Variants in MUSK observed in about 807,000 individuals in gnomAD.
MUSK encodes the protein muscle associated receptor tyrosine kinase.
Under a neutral mutation model 88.7 loss-of-function variants are expected in MUSK, and 55 were observed. The ratio of observed to expected loss-of-function variants is 0.62; its 90% confidence interval spans 0.50 to 0.78. The LOEUF is 0.78. Ranked by LOEUF, MUSK falls within the 30% of genes least tolerant of loss-of-function variation. The pLI is 0.00. For synonymous variants in MUSK, 387 were observed against 391.9 expected (o/e 0.99, Z 0.15); for missense variants, 1,015 against 1,074.3 (o/e 0.94, Z 0.77).
intron 3 of MUSK, among the ~76,000 whole-genome samples, chr9:110,690,210 ATATATTTAAG>A (rs1564219444): frequency 1.4e-4 from 10 of 72,946 alleles, no homozygotes; most frequent in East Asian, 4.5e-4. Flanking sequence ...ATATATAAAT[ATATATTTAAG>A]TATAAATATA....
chr9:110,704,609 G>C (rs985002186), intron 5 of MUSK, among the ~76,000 whole-genome samples: 1 of 152,102 alleles, frequency 6.6e-6, no homozygotes, highest in Non-Finnish European at 1.5e-5. Flanking sequence ...AAGTGAAAAA[G>C]TAAGTAAAGA....
chr9:110,797,256 G>C (rs2078022645), intron 14 of MUSK, among the ~76,000 whole-genome samples: 1 of 143,308 alleles, frequency 7.0e-6, no homozygotes, highest in African/African-American at 2.6e-5. Context: ...TAATGCATAG[G>C]AAAAATAAAT....
intron 11 of MUSK, among the ~76,000 whole-genome samples, chr9:110,779,498 T>C (rs1039326983): frequency 1.3e-5 from 2 of 152,164 alleles, no homozygotes; most frequent in African/African-American, 4.8e-5. Context: ...TTTTAACTTT[T>C]TCTTTTGCAA....
intron 5 of MUSK, among the ~76,000 whole-genome samples, chr9:110,704,528 T>C (rs919129979): frequency 6.6e-6 from 1 of 152,194 alleles, no homozygotes; most frequent in Non-Finnish European, 1.5e-5. Context: ...ACTTGTATAG[T>C]GCTTACCATG....
intron 14 of MUSK, among the ~76,000 whole-genome samples, chr9:110,798,169 C>A (rs2078040006): frequency 6.6e-6 from 1 of 152,104 alleles, no homozygotes; most frequent in Admixed American, 6.5e-5. Flanking sequence ...AAGTTAATCC[C>A]AGTGAAATAA....
intron 11 of MUSK, among the ~76,000 whole-genome samples, chr9:110,777,359 C>G (rs1363576338): frequency 6.6e-6 from 1 of 152,094 alleles, no homozygotes; most frequent in Non-Finnish European, 1.5e-5. Flanking sequence ...AATACATATT[C>G]CAGCCCTAAT....
intron 14 of MUSK, 32 bp downstream of exon 14, chr9:110,787,870 A>C (rs370472620): frequency 3.7e-5 from 59 of 1,588,998 alleles, no homozygotes; most frequent in Non-Finnish European, 4.8e-5. Flanking sequence ...TATGTATTTC[A>C]TCAGAAAACA....
intron 6 of MUSK, among the ~76,000 whole-genome samples, chr9:110,735,945 T>C (rs1476614824): frequency 6.6e-6 from 1 of 152,104 alleles, no homozygotes; most frequent in Non-Finnish European, 1.5e-5. Flanking sequence ...ATGAGACTTC[T>C]GTCCCCATGA....
chr9:110,731,385 T>C (rs1564251267), intron 5 of MUSK, among the ~76,000 whole-genome samples: 1 of 152,036 alleles, frequency 6.6e-6, no homozygotes, highest in African/African-American at 2.4e-5. Context: ...GAGAAAGTAC[T>C]ATGATAAGGA....
At chr9:110,710,641 C>T (rs1387688811) in intron 5 of MUSK, among the ~76,000 whole-genome samples, 1 of 151,702 alleles carries the variant, frequency 6.6e-6, no homozygotes, top group Non-Finnish European at 1.5e-5. Flanking sequence ...TTCACCGTGA[C>T]AAGTGATAAA....
chr9:110,720,837 T>C (rs554767527), intron 5 of MUSK, among the ~76,000 whole-genome samples: 1 of 151,930 alleles, frequency 6.6e-6, no homozygotes, highest in South Asian at 2.1e-4. Context: ...ATGCAAAAAT[T>C]CTCAACAAAG....
chr9:110,671,227 C>A (rs1023109612), intron 1 of MUSK, among the ~76,000 whole-genome samples: 6 of 152,250 alleles, frequency 3.9e-5, no homozygotes, highest in Admixed American at 3.9e-4. Flanking sequence ...GCCTCGGCCT[C>A]CCAAAGTGCT....
chr9:110,682,713 T>C lies in MUSK; in HGVS notation c.119T>C (p.Leu40Ser), dbSNP rs901935734. Residue 40 changes from leucine to serine, a missense_variant, in exon 2 of 15, where the codon TTA (leucine) becomes TCA (serine). Transcript: ENST00000374448. ...ACTCCTCTTGAAACAGTGGATGCCT[T>C]AGTTGAAGAAGTGGCTACTTTCATG... The part of the protein sequence containing the change: ...ITTPLETVDA[L>S]VEEVATFMCA... 9 of 1,612,828 alleles carry C rather than the reference T, an allele frequency of 5.6e-6. No homozygotes were observed. The highest frequency in any genetic ancestry group is 7.6e-6 in the Non-Finnish European group (9 of 1,178,982).
chr9:110,753,590 C>T (rs1172896202), intron 7 of MUSK, among the ~76,000 whole-genome samples: 4 of 152,064 alleles, frequency 2.6e-5, no homozygotes, highest in Non-Finnish European at 4.4e-5. Context: ...AGTACAGGGA[C>T]GAGCCTATGG....
intron 11 of MUSK, 45 bp downstream of exon 11, chr9:110,776,700 T>C (rs780950908): frequency 1.7e-5 from 26 of 1,498,616 alleles, no homozygotes; most frequent in East Asian, 1.4e-4. Context: ...GTGTATGTAA[T>C]TGGATTCATG....
chr9:110,757,579 C>T (rs2077343101), intron 7 of MUSK, among the ~76,000 whole-genome samples: 1 of 151,098 alleles, frequency 6.6e-6, no homozygotes, highest in African/African-American at 2.4e-5. Context: ...GAGATTGTTA[C>T]ATATTGTTGT....
intron 6 of MUSK, among the ~76,000 whole-genome samples, chr9:110,739,845 A>G (rs1279466334): frequency 6.6e-6 from 1 of 152,116 alleles, no homozygotes; most frequent in Non-Finnish European, 1.5e-5. Context: ...GAACAACCCA[A>G]ACCTTTATAA....
intron 5 of MUSK, among the ~76,000 whole-genome samples, chr9:110,699,741 T>C (rs11791981): frequency 6.6e-6 from 1 of 151,940 alleles, no homozygotes; most frequent in Non-Finnish European, 1.5e-5. Context: ...CCATCGTCAG[T>C]TGGGGCAGAC....
At chr9:110,693,038 G>A (rs372715219) in intron 3 of MUSK, among the ~76,000 whole-genome samples, 22 of 152,196 alleles carry the variant, frequency 1.4e-4, no homozygotes, top group Middle Eastern at 6.8e-3. Flanking sequence ...GTAAGTAGGT[G>A]GGGATCTGCC....
Sources: allele counts gnomAD v4.1 joint callset (sites outside exome capture counted in the v4.1 genomes callset), GRCh38; gene constraint gnomAD v4.1.1; transcripts MANE v1.5; gene names NCBI Gene and HGNC (gene_info 2026-07-23, HGNC 2026-07-21).